BAIAP2L1: variants seen among roughly 807,000 people sequenced by gnomAD.
BAIAP2L1 encodes BAR/IMD domain containing adaptor protein 2 like 1, also known as BAR/IMD domain-containing adapter protein 2-like 1.
BAIAP2L1 carries 35 observed loss-of-function variants against 66.3 expected under a neutral mutation model. The ratio of observed to expected loss-of-function variants is 0.53; its 90% CI spans 0.40 to 0.70. The LOEUF is 0.70. BAIAP2L1 is among the 30% of genes least tolerant of loss of function. The pLI is 0.00. For synonymous variants in BAIAP2L1, 269 were observed against 248.7 expected, an observed-to-expected ratio of 1.08 and a Z score of -0.77; for missense variants, 622 against 656.9, an observed-to-expected ratio of 0.95 and a Z score of 0.58.
At chr7:98,323,659 TC>T (rs1291730050) in intron 3 of BAIAP2L1, among the ~76,000 whole-genome samples, 1 of 152,184 alleles carries the variant, frequency 6.6e-6, no homozygotes, top group Non-Finnish European at 1.5e-5. Context: ...GCCCGTGGCT[TC>T]CCGCAGCATG....
intron 1 of BAIAP2L1, among the ~76,000 whole-genome samples, chr7:98,377,665 A>G (rs1281422824): frequency 6.6e-6 from 1 of 151,756 alleles, no homozygotes; most frequent in Non-Finnish European, 1.5e-5. Flanking sequence ...TTAAATATAC[A>G]AAATTAGCTG....
intron 12 of BAIAP2L1, among the ~76,000 whole-genome samples, chr7:98,303,740 G>A (rs112265694): frequency 6.6e-6 from 1 of 152,140 alleles, no homozygotes. Context: ...CCTAAACGCC[G>A]TGCCTAGAAG....
chr7:98,365,761 T>C (rs1802377510), intron 1 of BAIAP2L1, among the ~76,000 whole-genome samples: 1 of 152,258 alleles, frequency 6.6e-6, no homozygotes, highest in African/African-American at 2.4e-5. Context: ...ATTACAGGTG[T>C]GAGCCACCAC....
intron 1 of BAIAP2L1, among the ~76,000 whole-genome samples, chr7:98,396,012 T>C (rs998198399): frequency 1.3e-5 from 2 of 152,232 alleles, no homozygotes; most frequent in Admixed American, 6.6e-5. Context: ...CTAATGTGCA[T>C]GGAATTAAAA....
chr7:98,293,656 A>G, intron 13 of BAIAP2L1, 60 bp from the exon 14 acceptor site: 2 of 1,524,518 alleles, frequency 1.3e-6, no homozygotes, highest in East Asian at 4.5e-5. Context: ...CTGGATTTTA[A>G]CAGTGCTAAT....
intron 1 of BAIAP2L1, among the ~76,000 whole-genome samples, chr7:98,392,410 A>G (rs4307274): frequency 1 from 152,245 of 152,268 alleles, 76,111 homozygotes; most frequent in Middle Eastern, 1. Flanking sequence ...CCATGCAGAC[A>G]ACAGCATCAT....
chr7:98,342,686 T>C (rs1466495959), intron 3 of BAIAP2L1, among the ~76,000 whole-genome samples: 1 of 152,294 alleles, frequency 6.6e-6, no homozygotes, highest in Non-Finnish European at 1.5e-5. Flanking sequence ...CCAAAGAAAG[T>C]CTTATTTCCT....
At chr7:98,378,411 T>A (rs1282887232) in intron 1 of BAIAP2L1, among the ~76,000 whole-genome samples, 2 of 152,138 alleles carry the variant, frequency 1.3e-5, no homozygotes, top group Non-Finnish European at 2.9e-5. Context: ...CCACCTGGGT[T>A]TGGGCTGAGG....
intron 3 of BAIAP2L1, among the ~76,000 whole-genome samples, chr7:98,336,835 G>A (rs553747014): frequency 1.9e-4 from 29 of 152,268 alleles, no homozygotes; most frequent in African/African-American, 6.3e-4. Flanking sequence ...GTTGAGTGCC[G>A]TGAGTTTTGT....
rs1562965503 is a variant in BAIAP2L1 at position 98,304,076 on chromosome 7, CGGGGACACCACTCTCCCCCT to C, written c.1422+100_1422+119del. 3.7e-6 allele frequency: 4 copies of C among 1,095,166 alleles called. No homozygotes were observed. In the African/African-American group the frequency reaches 4.9e-5, roughly 13 times the overall value. The allele number at this position is 1,095,166 out of a possible 1,614,324, so 67.8% of individuals were successfully genotyped here. On this transcript the variant is annotated intron_variant, in intron 12 of 13. Coordinates refer to ENST00000005260, the MANE Select transcript of BAIAP2L1 (RefSeq NM_018842.5). ...AGCAAGTCCCCTCCTCCCTCCTCCC[CGGGGACACCACTCTCCCCCT>C]GGGGACAGAGCAGAGCAAGGCGGTC...
At chr7:98,319,194 G>A (rs1490018662) in intron 5 of BAIAP2L1, among the ~76,000 whole-genome samples, 6 of 152,138 alleles carry the variant, frequency 3.9e-5, no homozygotes, top group African/African-American at 9.7e-5. Context: ...ACTTTGGGTG[G>A]CAGGAGAAAG....
At chr7:98,322,281 T>C (rs954615140) in intron 3 of BAIAP2L1, among the ~76,000 whole-genome samples, 1 of 152,196 alleles carries the variant, frequency 6.6e-6, no homozygotes, top group Non-Finnish European at 1.5e-5. Context: ...CATCTGAGTC[T>C]GACACTGGCC....
intron 3 of BAIAP2L1, among the ~76,000 whole-genome samples, chr7:98,343,195 C>T (rs750986792): frequency 1.3e-5 from 2 of 149,666 alleles, no homozygotes; most frequent in Non-Finnish European, 1.5e-5. Context: ...GTCAGGAGTT[C>T]GAGACCAGCC....
At chr7:98,350,728 CCCACAG>C (rs1316354213) in intron 3 of BAIAP2L1, among the ~76,000 whole-genome samples, 4 of 152,140 alleles carry the variant, frequency 2.6e-5, no homozygotes, top group Non-Finnish European at 5.9e-5. Context: ...GGCCCCCTAC[CCCACAG>C]CCCCTATTTC....
At chr7:98,308,031 C>G (rs1480858687) in intron 9 of BAIAP2L1, 135 bp from the exon 10 acceptor site, 5 of 857,756 alleles carry the variant, frequency 5.8e-6, no homozygotes, top group Non-Finnish European at 9.7e-6. Flanking sequence ...TGACCCTGTC[C>G]TATTTCCTCG....
intron 1 of BAIAP2L1, among the ~76,000 whole-genome samples, chr7:98,390,649 G>A (rs1292846566): frequency 6.6e-6 from 1 of 151,554 alleles, no homozygotes; most frequent in Non-Finnish European, 1.5e-5. Flanking sequence ...GGAGAATGGC[G>A]TGAACCTGGG....
At chr7:98,349,835 T>C (rs924536843) in intron 3 of BAIAP2L1, among the ~76,000 whole-genome samples, 8 of 152,036 alleles carry the variant, frequency 5.3e-5, no homozygotes, top group Admixed American at 2.0e-4. Context: ...TCAGGGCGGA[T>C]CACCTGAGGT....
chr7:98,316,148 T>C (rs1033609622), intron 6 of BAIAP2L1, among the ~76,000 whole-genome samples: 3 of 151,392 alleles, frequency 2.0e-5, no homozygotes, highest in African/African-American at 7.3e-5. Flanking sequence ...ATAAAGGGAG[T>C]TTCCCTGCAC....
At chr7:98,298,516 G>C (rs1048773918) in intron 12 of BAIAP2L1, among the ~76,000 whole-genome samples, 38 of 152,134 alleles carry the variant, frequency 2.5e-4, no homozygotes, top group African/African-American at 8.2e-4. Flanking sequence ...GGGAGGCTGA[G>C]GCAGGAGAAT....
Sources: gnomAD v4.1 joint callset for allele counts (sites outside exome capture counted in the v4.1 genomes callset) on GRCh38, gnomAD v4.1.1 for gene constraint, MANE v1.5 for transcripts, NCBI Gene and HGNC (gene_info 2026-07-23, HGNC 2026-07-21) for gene names.